AMBRA1: variants seen among roughly 807,000 people sequenced by gnomAD.
AMBRA1 encodes activating molecule in BECN1-regulated autophagy protein 1.
In AMBRA1, 47 loss-of-function variants were observed where a neutral mutation model predicts 125.4. That is an observed-to-expected ratio of 0.37 (90% CI 0.30 to 0.48). The LOEUF is 0.48. Ranked by LOEUF, AMBRA1 falls within the 20% of genes least tolerant of loss-of-function variation. The pLI, the probability that AMBRA1 is intolerant of heterozygous loss-of-function variation, is 0.99. For missense variants in AMBRA1, 1,331 were observed against 1,693.4 expected (o/e 0.79, Z 3.76); for synonymous variants, 626 against 655.5 (o/e 0.95, Z 0.69).
At chr11:46,420,641 T>C (rs1321576658) in intron 14 of AMBRA1, among the ~76,000 whole-genome samples, 2 of 152,170 alleles carry the variant, frequency 1.3e-5, no homozygotes, top group South Asian at 2.1e-4. Flanking sequence ...GATGAGACAA[T>C]TGTGGCTGGG....
chr11:46,438,535 G>A (rs1212844824), intron 12 of AMBRA1, among the ~76,000 whole-genome samples: 3 of 152,214 alleles, frequency 2.0e-5, no homozygotes, highest in East Asian at 1.9e-4. Flanking sequence ...ATTAGATACC[G>A]ATTTGGAAAA....
At chr11:46,547,689 G>A (rs747612817) in intron 3 of AMBRA1, 128 bp downstream of exon 3, 30 of 871,626 alleles carry the variant, frequency 3.4e-5, no homozygotes, top group East Asian at 8.0e-5. Flanking sequence ...TTTCCGACAC[G>A]GGGCCAAAGT....
chr11:46,398,024 G>T, intron 17 of AMBRA1, 81 bp from the exon 18 acceptor site: 2 of 1,495,416 alleles, frequency 1.3e-6, no homozygotes, highest in Non-Finnish European at 1.8e-6. Flanking sequence ...ACCGGTAGCA[G>T]CTGGGGGATT....
At chr11:46,480,050 A>G (rs1241625927) in intron 11 of AMBRA1, among the ~76,000 whole-genome samples, 1 of 152,168 alleles carries the variant, frequency 6.6e-6, no homozygotes, top group African/African-American at 2.4e-5. Flanking sequence ...ACTCGCTGCT[A>G]GCTGTTAGCA....
intron 15 of AMBRA1, among the ~76,000 whole-genome samples, chr11:46,416,866 C>G (rs537106314): frequency 6.6e-6 from 1 of 152,270 alleles, no homozygotes; most frequent in African/African-American, 2.4e-5. Context: ...CTCCACCTGG[C>G]TGAGGCTGGA....
chr11:46,591,843 C>A (rs2044608518), intron 1 of AMBRA1, among the ~76,000 whole-genome samples: 1 of 151,436 alleles, frequency 6.6e-6, no homozygotes, highest in African/African-American at 2.4e-5. Flanking sequence ...GGGGACAAAG[C>A]AAGACTCCGT....
At chr11:46,523,585 T>C (rs1951846234) in intron 7 of AMBRA1, among the ~76,000 whole-genome samples, 1 of 152,216 alleles carries the variant, frequency 6.6e-6, no homozygotes, top group Admixed American at 6.5e-5. Context: ...AATCAGAAGA[T>C]GTAAATTGCC....
intron 1 of AMBRA1, among the ~76,000 whole-genome samples, chr11:46,559,379 C>T (rs942174734): frequency 2.0e-5 from 3 of 152,064 alleles, no homozygotes; most frequent in Non-Finnish European, 4.4e-5. Context: ...CATTTCATTA[C>T]GCACATGTCA....
chr11:46,504,075 T>C (rs972902061), intron 9 of AMBRA1, among the ~76,000 whole-genome samples: 10 of 152,252 alleles, frequency 6.6e-5, no homozygotes, highest in African/African-American at 2.4e-4. Context: ...GCGACTGATC[T>C]AATCTGAAGC....
chr11:46,571,705 T>G (rs2043763221), intron 1 of AMBRA1, among the ~76,000 whole-genome samples: 3 of 85,250 alleles, frequency 3.5e-5, no homozygotes, highest in Admixed American at 1.4e-4. Flanking sequence ...TTTTTTTTTT[T>G]TGAGACAAAG....
At chr11:46,420,651 G>A (rs922624250) in intron 14 of AMBRA1, among the ~76,000 whole-genome samples, 1 of 152,198 alleles carries the variant, frequency 6.6e-6, no homozygotes. Context: ...TTGTGGCTGG[G>A]ATCACTTAAT....
chr11:46,515,920 C>T (rs1262706328), intron 7 of AMBRA1, among the ~76,000 whole-genome samples: 2 of 152,180 alleles, frequency 1.3e-5, no homozygotes, highest in Non-Finnish European at 1.5e-5. Context: ...CTGATCCGCC[C>T]GCTTTGGCCT....
chr11:46,567,292 G>A (rs1050589319), intron 1 of AMBRA1, among the ~76,000 whole-genome samples: 5 of 152,066 alleles, frequency 3.3e-5, no homozygotes, highest in African/African-American at 9.7e-5. Context: ...GACTGGTCTC[G>A]AACTCCTGAC....
chr11:46,422,124 C>T (rs183004888), intron 14 of AMBRA1, among the ~76,000 whole-genome samples: 13 of 152,214 alleles, frequency 8.5e-5, no homozygotes, highest in Non-Finnish European at 5.9e-5. Context: ...TTACACCGGA[C>T]GTATTATCAG....
At chr11:46,574,658 A>G (rs1023327617) in intron 1 of AMBRA1, among the ~76,000 whole-genome samples, 2 of 152,170 alleles carry the variant, frequency 1.3e-5, no homozygotes, top group African/African-American at 2.4e-5. Context: ...AAGCAGGTCA[A>G]AGTTGAGCTG....
At chr11:46,541,716 C>A (rs543687210) in intron 7 of AMBRA1, among the ~76,000 whole-genome samples, 2 of 152,368 alleles carry the variant, frequency 1.3e-5, no homozygotes, top group East Asian at 1.9e-4. Flanking sequence ...AAAGCCAGAA[C>A]CTTGAGCTTA....
At chr11:46,564,874 A>G (rs962286556) in intron 1 of AMBRA1, among the ~76,000 whole-genome samples, 1 of 152,196 alleles carries the variant, frequency 6.6e-6, no homozygotes, top group African/African-American at 2.4e-5. Flanking sequence ...AAAACTATAC[A>G]TTATTATTTC....
At chr11:46,435,075 T>C (rs1023560140) in intron 12 of AMBRA1, 38 bp from the exon 13 acceptor site, 11 of 1,530,348 alleles carry the variant, frequency 7.2e-6, no homozygotes, top group African/African-American at 2.8e-5. Context: ...ATAAGAAACT[T>C]TGGAGTTGAT....
chr11:46,398,004 G>C, intron 17 of AMBRA1, 61 bp from the exon 18 acceptor site: 5 of 1,523,366 alleles, frequency 3.3e-6, no homozygotes, highest in Non-Finnish European at 4.4e-6. Context: ...TCTGAGGCAG[G>C]TGGGCAGCCA....
Sources: allele counts gnomAD v4.1 joint callset (sites outside exome capture counted in the v4.1 genomes callset), GRCh38; gene constraint gnomAD v4.1.1; transcripts MANE v1.5; gene names NCBI Gene and HGNC (gene_info 2026-07-23, HGNC 2026-07-21).